NSG2: variants seen among roughly 807,000 people sequenced by gnomAD.
NSG2 encodes neuronal vesicle trafficking-associated protein 2.
A neutral mutation model predicts 16.9 loss-of-function variants in NSG2; 4 were observed. The ratio of observed to expected loss-of-function variants is 0.24; its 90% CI spans 0.12 to 0.54. The LOEUF (loss-of-function observed/expected upper bound fraction) is 0.54. Ranked by LOEUF, NSG2 falls within the 20% of genes least tolerant of loss-of-function variation. The probability of loss-of-function intolerance (pLI) is 0.95; values close to 1 mark genes in which losing one functional copy is unlikely to be tolerated. For missense variants in NSG2, 179 were observed against 221.1 expected, an observed-to-expected ratio of 0.81 and a Z score of 1.21; for synonymous variants, 98 against 88.7, an observed-to-expected ratio of 1.11 and a Z score of -0.59.
intron 3 of NSG2, among the ~76,000 whole-genome samples, chr5:174,078,134 A>G (rs1760379585): frequency 6.6e-6 from 1 of 152,218 alleles, no homozygotes; most frequent in Admixed American, 6.5e-5. Context: ...CCTAGTGACT[A>G]CCATATGGGA....
chr5:174,053,555 C>T (rs531854125), intron 2 of NSG2, among the ~76,000 whole-genome samples: 22 of 152,202 alleles, frequency 1.4e-4, no homozygotes, highest in African/African-American at 5.3e-4. Context: ...CATAGGCTTT[C>T]CCCAGGGAAC....
intron 3 of NSG2, among the ~76,000 whole-genome samples, chr5:174,095,106 G>T (rs955641241): frequency 6.6e-6 from 1 of 152,168 alleles, no homozygotes. Context: ...GGGGAGAGTG[G>T]CTGAAAAGAT....
At chr5:174,055,381 C>T (rs1026797648) in intron 2 of NSG2, among the ~76,000 whole-genome samples, 1 of 152,036 alleles carries the variant, frequency 6.6e-6, no homozygotes, top group African/African-American at 2.4e-5. Context: ...ATCACGAGGT[C>T]AGGAGATCCA....
At chr5:174,061,628 A>G (rs116767562) in intron 2 of NSG2, among the ~76,000 whole-genome samples, 2,602 of 152,150 alleles carry the variant, frequency 0.017, 30 homozygotes, top group South Asian at 0.025. Context: ...TTTTTGAGAC[A>G]GAGTGTTGCT....
At chr5:174,099,563 C>G (rs1219296962) in intron 3 of NSG2, among the ~76,000 whole-genome samples, 1 of 152,140 alleles carries the variant, frequency 6.6e-6, no homozygotes, top group Non-Finnish European at 1.5e-5. Context: ...GTCACTGGCT[C>G]CCTGTTGTCC....
chr5:174,107,464 G>A lies in NSG2; in HGVS notation c.475G>A (p.Val159Ile). The stretch of plus-strand genomic sequence containing the variant: ...CGGGCCGTGGCTGTCAGCAGCCGCT[G>A]TCATCCATGAGCCCAAGCCGCCCAA... ...AIGPWLSAAA[V>I]IHEPKPPKTQ... Residue 159 changes from valine to isoleucine, a missense_variant, in exon 5 of 5, where the codon GTC (valine) becomes ATC (isoleucine). By Grantham distance (29) the Val-to-Ile change is conservative. Coordinates refer to ENST00000303177, the MANE Select transcript of NSG2 (RefSeq NM_015980.5). This position sits in a 1 kb window ranked among gnomAD's most constrained non-coding sequence, Gnocchi z 4.5. 6.2e-7 allele frequency: 1 copy of A among 1,612,370 alleles called. No individual in the cohort carries two copies. The highest frequency in any genetic ancestry group is 8.5e-7 in the Non-Finnish European group (1 of 1,178,690).
intron 1 of NSG2, 66 bp from the exon 2 acceptor site, chr5:174,046,668 T>C: frequency 6.7e-7 from 1 of 1,485,718 alleles, no homozygotes; most frequent in Non-Finnish European, 9.3e-7. Flanking sequence ...TGCTATTTTC[T>C]CTGTCGTCAG....
chr5:174,060,779 T>A (rs77339698), intron 2 of NSG2, among the ~76,000 whole-genome samples: 2,820 of 152,310 alleles, frequency 0.019, 88 homozygotes, highest in African/African-American at 0.064. Flanking sequence ...GTCCTGGTTT[T>A]CTTGTTGGCT....
rs189491970 is a variant in NSG2 at position 174,090,296 on chromosome 5, G to A, written c.214-13932G>A. Among the ~76,000 whole-genome samples, 6 of 152,282 alleles carry A rather than the reference G, an allele frequency of 3.9e-5. No homozygotes were observed. The East Asian group carries it at 5.8e-4, about 15-fold the overall frequency. On this transcript the variant is annotated intron_variant, in intron 3 of 4. Coordinates refer to ENST00000303177, the MANE Select transcript of NSG2 (RefSeq NM_015980.5). ...AACCAGGCACAACCTTCCAAGAATCGTCTCCCAGTGGAGTCATGGAGGATG... is the reference window on the plus strand; with the variant it reads ...AACCAGGCACAACCTTCCAAGAATCATCTCCCAGTGGAGTCATGGAGGATG...
chr5:174,107,817 C>T lies in NSG2; in HGVS notation c.*312C>T. The T allele has an allele frequency of 1.9e-6, 1 of 536,564 alleles. No homozygotes were observed. Among genetic ancestry groups the T allele is most frequent in the South Asian group, 1.6e-5 (1 of 61,840 alleles). The allele number at this position is 536,564 out of a possible 1,614,324, so 33.2% of individuals were successfully genotyped here. A position where few individuals can be genotyped will look rare whatever the true frequency, so the allele number is the denominator to read the frequency against. ...CTTATTCTTTGTTAGGAAAATGTAA[C>T]AGCAGAAAAGGAAAGAAACAAAGAA... On this transcript the variant is annotated 3_prime_UTR_variant, in exon 5 of 5. Transcript: ENST00000303177. This position sits in a 1 kb window ranked among gnomAD's most constrained non-coding sequence, Gnocchi z 4.5.
At chr5:174,071,905 C>G (rs1047354381) in intron 3 of NSG2, among the ~76,000 whole-genome samples, 1 of 152,186 alleles carries the variant, frequency 6.6e-6, no homozygotes, top group Non-Finnish European at 1.5e-5. Flanking sequence ...AGCTCACTTA[C>G]CTGCCAGTGG....
At position 174,106,460 on chromosome 5, in the gene NSG2, C is replaced by T. The variant is rs368660167; in HGVS notation, c.325-854C>T. ...GGAGTTGCAGAGAAACCTCCAAGTT[C>T]GTCCGGTAGTCCCCAGGTTCATTGC... On this transcript the variant is annotated intron_variant, in intron 4 of 4. Coordinates refer to ENST00000303177, the MANE Select transcript of NSG2 (RefSeq NM_015980.5). 7.9e-5 allele frequency among the ~76,000 whole-genome samples: 12 copies of T among 151,840 alleles called. No individual in the cohort carries two copies. In the East Asian group the frequency reaches 1.2e-3, roughly 15 times the overall value.
At chr5:174,097,609 G>A (rs1019197911) in intron 3 of NSG2, among the ~76,000 whole-genome samples, 2 of 150,732 alleles carry the variant, frequency 1.3e-5, no homozygotes, top group African/African-American at 4.9e-5. Flanking sequence ...GTGTGTGTCT[G>A]TGTTTCTCTC....
Position 174,052,088 on chromosome 5 carries a change from G to A in NSG2, c.129+5204G>A, listed in dbSNP as rs192514548. Among the ~76,000 whole-genome samples the A allele has an allele frequency of 3.3e-4, 50 of 152,312 alleles. No individual in the cohort carries two copies. In the South Asian group the frequency reaches 7.5e-3, roughly 23 times the overall value. Reference sequence around the variant, plus strand: ...GAGCCACCCTAGGGACAAGGGACAGGTTCAGTCTCATGCTTGGTCTTCTGA... The same window carrying A: ...GAGCCACCCTAGGGACAAGGGACAGATTCAGTCTCATGCTTGGTCTTCTGA... On this transcript the variant is annotated intron_variant, in intron 2 of 4. Coordinates refer to ENST00000303177, the MANE Select transcript of NSG2 (RefSeq NM_015980.5).
At chr5:174,075,260 G>A (rs182371283) in intron 3 of NSG2, among the ~76,000 whole-genome samples, 1 of 152,076 alleles carries the variant, frequency 6.6e-6, no homozygotes, top group Non-Finnish European at 1.5e-5. Context: ...GCCACTCGGG[G>A]TCATACAGCC....
At position 174,089,235 on chromosome 5, in the gene NSG2, C is replaced by T. The variant is rs116727076; in HGVS notation, c.214-14993C>T. 7.0e-3 allele frequency among the ~76,000 whole-genome samples: 1,071 copies of T among 152,256 alleles called. 12 individuals carry two copies. Among genetic ancestry groups the T allele is most frequent in the African/African-American group, 0.025 (1,032 of 41,540 alleles). On this transcript the variant is annotated intron_variant, in intron 3 of 4. Transcript: ENST00000303177. ...CCCTAACTCCGAGGGGCAGCACCTC[C>T]AGTAAGCAAAGCTGGGGTTGAGGCT... is the stretch of plus-strand genomic sequence containing the variant.
intron 2 of NSG2, among the ~76,000 whole-genome samples, chr5:174,055,645 T>G (rs911614949): frequency 1.3e-5 from 2 of 151,930 alleles, no homozygotes; most frequent in Non-Finnish European, 2.9e-5. Context: ...GAGTTATAGA[T>G]TTATTGAGGC....
intron 3 of NSG2, among the ~76,000 whole-genome samples, chr5:174,089,036 G>T (rs947801636): frequency 6.6e-5 from 10 of 152,178 alleles, no homozygotes; most frequent in African/African-American, 2.4e-4. Flanking sequence ...GGGCTGAGTG[G>T]ATGTGGAATC....
At chr5:174,103,009 G>A (rs140223937) in intron 3 of NSG2, among the ~76,000 whole-genome samples, 2,414 of 143,948 alleles carry the variant, frequency 0.017, 182 homozygotes, top group Admixed American at 0.13. Context: ...GGCTGGTCAC[G>A]AACTCCTGAC....
Sources: gnomAD v4.1 joint callset for allele counts (sites outside exome capture counted in the v4.1 genomes callset) on GRCh38, gnomAD v4.1.1 for gene constraint, Gnocchi (gnomAD v3.1) non-coding constraint, MANE v1.5 for transcripts, NCBI Gene and HGNC (gene_info 2026-07-23, HGNC 2026-07-21) for gene names.